The following TBC1D8 variants were observed in gnomAD, a reference collection of about 807,000 sequenced individuals.
The protein encoded by TBC1D8 is TBC1 domain family member 8, also known as BUB2-like protein 1.
Under a neutral mutation model 118.8 loss-of-function variants are expected in TBC1D8, and 65 were observed. The ratio of observed to expected loss-of-function variants is 0.55; its 90% CI spans 0.45 to 0.67. TBC1D8 has a LOEUF of 0.67. Among genes scored for constraint, TBC1D8 ranks in the 30% least tolerant of loss-of-function variants. The probability of loss-of-function intolerance (pLI) is 0.00; values close to 1 mark genes in which losing one functional copy is unlikely to be tolerated. For missense variants in TBC1D8, 1,376 were observed against 1,471.2 expected, an observed-to-expected ratio of 0.94 and a Z score of 1.06; for synonymous variants, 566 against 595.8, an observed-to-expected ratio of 0.95 and a Z score of 0.73.
chr2:101,103,210 T>C (rs1333069844), intron 1 of TBC1D8, among the ~76,000 whole-genome samples: 1 of 151,668 alleles, frequency 6.6e-6, no homozygotes, highest in African/African-American at 2.4e-5. Flanking sequence ...ATTGGAAATA[T>C]CGATCAATAT....
At chr2:101,009,406 CAAAAA>C (rs70943054) in intron 19 of TBC1D8, among the ~76,000 whole-genome samples, 1 of 97,758 alleles carries the variant, frequency 1.0e-5, no homozygotes, top group African/African-American at 4.6e-5. Context: ...ACTCTGTCTC[CAAAAA>C]AAAAAAAAAA....
chr2:101,113,326 T>C (rs1372675082), intron 1 of TBC1D8, among the ~76,000 whole-genome samples: 1 of 152,130 alleles, frequency 6.6e-6, no homozygotes, highest in Non-Finnish European at 1.5e-5. Flanking sequence ...TTCTAGCCTC[T>C]TTCCTTACTG....
At chr2:101,070,702 C>T (rs1683265820) in intron 2 of TBC1D8, among the ~76,000 whole-genome samples, 2 of 152,136 alleles carry the variant, frequency 1.3e-5, no homozygotes, top group South Asian at 4.1e-4. Flanking sequence ...CGTGAGCCAT[C>T]GCGCCCAGCC....
chr2:101,066,908 C>G (rs1683043952), intron 2 of TBC1D8, among the ~76,000 whole-genome samples: 1 of 145,790 alleles, frequency 6.9e-6, no homozygotes, highest in Non-Finnish European at 1.5e-5. Flanking sequence ...TCGAGTGCCA[C>G]TGCACTCCAG....
chr2:101,090,117 CAAAGGGG>C (rs1675926025), intron 2 of TBC1D8, 85 bp downstream of exon 2: 1 of 1,408,938 alleles, frequency 7.1e-7, no homozygotes, highest in African/African-American at 1.4e-5. Context: ...GGGAGTTATC[CAAAGGGG>C]TTACCTTCAA....
At chr2:101,026,889 C>G (rs570821033) in intron 15 of TBC1D8, among the ~76,000 whole-genome samples, 1 of 152,044 alleles carries the variant, frequency 6.6e-6, no homozygotes, top group African/African-American at 2.4e-5. Flanking sequence ...TAAGACTATA[C>G]GGCAACATGG....
intron 4 of TBC1D8, among the ~76,000 whole-genome samples, chr2:101,051,010 T>C (rs1484791427): frequency 1.1e-4 from 17 of 152,210 alleles, no homozygotes; most frequent in Admixed American, 1.1e-3. Context: ...AAACATGCGG[T>C]ATTTGGTTTT....
At chr2:101,082,874 G>A (rs1254975070) in intron 2 of TBC1D8, among the ~76,000 whole-genome samples, 1 of 152,134 alleles carries the variant, frequency 6.6e-6, no homozygotes, top group Non-Finnish European at 1.5e-5. Context: ...ACCATTCTGC[G>A]AATGTACTTC....
chr2:101,028,540 C>CT, intron 12 of TBC1D8, 108 bp from the exon 13 acceptor site: 1 of 1,432,984 alleles, frequency 7.0e-7, no homozygotes, highest in African/African-American at 1.4e-5. Flanking sequence ...ACACCAACAC[C>CT]TGGGAGGAGG....
intron 1 of TBC1D8, among the ~76,000 whole-genome samples, chr2:101,140,251 G>A (rs978814871): frequency 6.6e-6 from 1 of 152,146 alleles, no homozygotes; most frequent in Non-Finnish European, 1.5e-5. Flanking sequence ...CCTCTACTGA[G>A]AGAGGGAATA....
At chr2:101,012,142 G>A (rs1048461407) in intron 17 of TBC1D8, among the ~76,000 whole-genome samples, 1 of 152,174 alleles carries the variant, frequency 6.6e-6, no homozygotes, top group Non-Finnish European at 1.5e-5. Context: ...AGCCACTTTA[G>A]TAAACAGTCT....
chr2:101,107,975 C>T (rs973573530), intron 1 of TBC1D8, among the ~76,000 whole-genome samples: 1 of 151,870 alleles, frequency 6.6e-6, no homozygotes, highest in African/African-American at 2.4e-5. Context: ...AGGAGGATCA[C>T]CTGAGCCAAG....
At chr2:101,137,186 C>T (rs1277687080) in intron 1 of TBC1D8, among the ~76,000 whole-genome samples, 1 of 152,066 alleles carries the variant, frequency 6.6e-6, no homozygotes, top group African/African-American at 2.4e-5. Flanking sequence ...GCGTGTGCCA[C>T]CACGCCCAGC....
At chr2:101,037,732 C>G (rs1573914299) in intron 7 of TBC1D8, 24 bp from the exon 8 acceptor site, 1 of 1,608,042 alleles carries the variant, frequency 6.2e-7, no homozygotes. Flanking sequence ...GAGACAGAGA[C>G]AGAGAGAGAG....
At position 101,112,608 on chromosome 2, in the gene TBC1D8, A is replaced by G. The variant is rs115629914; in HGVS notation, c.128-22244T>C. On this transcript the variant is annotated intron_variant, in intron 1 of 19. Coordinates refer to ENST00000409318, the MANE Select transcript of TBC1D8 (RefSeq NM_001330348.2). ...CGCAGGACAATCCAGGACTATCCAC[A>G]GCTCTTCCCTGGACGTTGAGGTGCC... 6.3e-3 allele frequency among the ~76,000 whole-genome samples: 958 copies of G among 152,292 alleles called. 10 individuals are homozygous for G. The highest frequency in any genetic ancestry group is 0.021 in the African/African-American group (884 of 41,550).
chr2:101,125,728 GC>G (rs1678319617), intron 1 of TBC1D8, among the ~76,000 whole-genome samples: 1 of 152,206 alleles, frequency 6.6e-6, no homozygotes, highest in African/African-American at 2.4e-5. Context: ...ACAATGTAGA[GC>G]CCAGAGACTT....
rs77551636 is a variant in TBC1D8, at chr2:101,012,384, C to T, written c.2828-844G>A. On this transcript the variant is annotated intron_variant, in intron 17 of 19. Transcript: ENST00000409318. ...GCCATTAAAAGGAATGAAGCACTGA[C>T]GCATGCTACAGCATGGATGTGTCTT... Among the ~76,000 whole-genome samples the T allele has an allele frequency of 5.4e-4, 82 of 152,310 alleles. No individual in the cohort carries two copies. The East Asian group carries it at 6.2e-3, about 11-fold the overall frequency.
rs778741218 is a variant in TBC1D8, at chr2:101,022,276, C to A, written c.2761+5G>T. ...ACATCACTGCGAAATCCCACAGAGG[C>A]ATACCGAGGCAGCTCACAAACGCTT... On this transcript the variant is annotated splice_donor_5th_base_variant and intron_variant, in intron 16 of 19. Coordinates refer to ENST00000409318, the MANE Select transcript of TBC1D8 (RefSeq NM_001330348.2). 1 of 1,613,422 alleles carries A rather than the reference C, an allele frequency of 6.2e-7. No individual in the cohort carries two copies. The highest frequency in any genetic ancestry group is 8.5e-7 in the Non-Finnish European group (1 of 1,179,630).
chr2:101,085,611 G>A (rs1391249505), intron 2 of TBC1D8, among the ~76,000 whole-genome samples: 1 of 152,122 alleles, frequency 6.6e-6, no homozygotes, highest in Non-Finnish European at 1.5e-5. Context: ...CTGCAAACAA[G>A]CAAACACTCG....
Sources: allele counts gnomAD v4.1 joint callset (sites outside exome capture counted in the v4.1 genomes callset), GRCh38; gene constraint gnomAD v4.1.1; transcripts MANE v1.5; gene names NCBI Gene and HGNC (gene_info 2026-07-23, HGNC 2026-07-21).